The following SLC6A2 variants were observed in gnomAD, a reference collection of about 807,000 sequenced individuals.
SLC6A2 encodes the protein sodium-dependent noradrenaline transporter.
A neutral mutation model predicts 71.7 loss-of-function variants in SLC6A2; 26 were observed. The observed-to-expected ratio is 0.36, with a 90% CI of 0.27 to 0.50. The LOEUF is 0.50. SLC6A2 is among the 20% of genes least tolerant of loss of function. The probability of loss-of-function intolerance (pLI) is 0.96; values close to 1 mark genes in which losing one functional copy is unlikely to be tolerated. For missense variants in SLC6A2, 581 were observed against 803.9 expected, an observed-to-expected ratio of 0.72 and a Z score of 3.35; for synonymous variants, 363 against 337.9, an observed-to-expected ratio of 1.07 and a Z score of -0.82.
intron 8 of SLC6A2, 45 bp from the exon 9 acceptor site, chr16:55,696,180 A>C: frequency 2.5e-6 from 3 of 1,188,780 alleles, no homozygotes; most frequent in Non-Finnish European, 3.8e-6. Context: ...TGCAGCTCAG[A>C]CCAATGGTTT....
chr16:55,705,901 T>C lies in SLC6A2; in HGVS notation c.*3555T>C, dbSNP rs1182958855. On this transcript the variant is annotated 3_prime_UTR_variant, in exon 15 of 15. Coordinates refer to ENST00000568943, the MANE Select transcript of SLC6A2 (RefSeq NM_001172501.3). ...TAATCCAACCCTTTTGTTTTGAGGC[T>C]TTGGAGGGTAACACATTTTCATACC... The C allele has an allele frequency of 6.6e-6, 1 of 152,356 alleles. No homozygotes were observed. The highest frequency in any genetic ancestry group is 1.9e-4 in the East Asian group (1 of 5,184). The allele number at this position is 152,356 out of a possible 1,614,324, so 9.4% of individuals were successfully genotyped here.
intron 14 of SLC6A2, 67 bp from the exon 15 acceptor site, chr16:55,702,256 C>G: frequency 6.6e-7 from 1 of 1,512,178 alleles, no homozygotes; most frequent in Non-Finnish European, 9.2e-7. Flanking sequence ...CTGCTGCCCC[C>G]GCCAGCTGGC....
At chr16:55,685,315 G>A (rs772774952) in intron 5 of SLC6A2, 34 bp downstream of exon 5, 9 of 1,606,356 alleles carry the variant, frequency 5.6e-6, no homozygotes, top group Admixed American at 1.7e-5. Context: ...CACTTACTTG[G>A]GTGATCAACC....
intron 2 of SLC6A2, among the ~76,000 whole-genome samples, chr16:55,666,871 C>T (rs1964764704): frequency 6.6e-6 from 1 of 152,236 alleles, no homozygotes; most frequent in Non-Finnish European, 1.5e-5. Context: ...GGGCAACCCA[C>T]AGTGGCGAGG....
intron 2 of SLC6A2, among the ~76,000 whole-genome samples, chr16:55,664,467 C>T (rs1964693988): frequency 6.6e-6 from 1 of 152,214 alleles, no homozygotes; most frequent in African/African-American, 2.4e-5. Context: ...TGTGTGTGGC[C>T]TCCAGCTGGC....
chr16:55,683,752 T>C (rs557921558), intron 4 of SLC6A2, among the ~76,000 whole-genome samples: 1 of 152,276 alleles, frequency 6.6e-6, no homozygotes, highest in Admixed American at 6.5e-5. Context: ...GTTGAACGCA[T>C]CCAGTAACCT....
intron 9 of SLC6A2, among the ~76,000 whole-genome samples, chr16:55,696,819 T>TA (rs1400328715): frequency 1.3e-5 from 2 of 152,056 alleles, no homozygotes; most frequent in Non-Finnish European, 2.9e-5. Flanking sequence ...CCCGTCTCTA[T>TA]AAAAAATTTA....
Position 55,685,181 on chromosome 16 carries a change from A to G in SLC6A2, c.683A>G (p.His228Arg), listed in dbSNP as rs758679941. Reference protein sequence around the residue: ...VLHLHESSGIHDIGLPQWQLL... With the variant: ...VLHLHESSGIRDIGLPQWQLL... ...CACCTTCACGAGAGCAGCGGGATTC[A>G]TGACATCGGCCTGCCCCAGTGGCAG... is the stretch of plus-strand genomic sequence containing the variant. Residue 228 changes from histidine (H) to arginine (R), a missense_variant, in exon 5 of 15, where the codon CAT becomes CGT. This residue lies in a region of SLC6A2 where 87 missense variants were observed against 99.5 expected (regional missense o/e 0.87). Transcript: ENST00000568943. 5.0e-6 allele frequency: 8 copies of G among 1,613,954 alleles called. No individual in the cohort carries two copies. Among genetic ancestry groups the G allele is most frequent in the South Asian group, 4.4e-5 (4 of 91,064 alleles).
At chr16:55,696,166 C>T (rs1965791013) in intron 8 of SLC6A2, 59 bp from the exon 9 acceptor site, 2 of 1,025,686 alleles carry the variant, frequency 1.9e-6, no homozygotes, top group East Asian at 2.4e-5. Context: ...ACTCCCCTAT[C>T]ATGTGCAGCT....
At chr16:55,701,279 G>T (rs1345132758) in intron 13 of SLC6A2, among the ~76,000 whole-genome samples, 1 of 152,170 alleles carries the variant, frequency 6.6e-6, no homozygotes, top group African/African-American at 2.4e-5. Flanking sequence ...CCCTAAGTCT[G>T]GTTCCGGGTC....
chr16:55,669,706 G>T lies in SLC6A2; in HGVS notation c.406+10G>T. 6.2e-7 allele frequency: 1 copy of T among 1,614,054 alleles called. No homozygotes were observed. Among genetic ancestry groups the T allele is most frequent in the Non-Finnish European group, 8.5e-7 (1 of 1,179,960 alleles). On this transcript the variant is annotated intron_variant, in intron 3 of 14. Coordinates refer to ENST00000568943, the MANE Select transcript of SLC6A2 (RefSeq NM_001172501.3). ...TGCCCATTCTTCAAAGGTAAAGAAG[G>T]GGTGGGAGAAAGTCACGGTTGTTCA...
intron 5 of SLC6A2, among the ~76,000 whole-genome samples, chr16:55,691,228 G>A (rs1462638598): frequency 6.5e-5 from 8 of 123,146 alleles, no homozygotes; most frequent in African/African-American, 2.7e-4. Flanking sequence ...GAGGGGAGAG[G>A]GGGAGAGAGA....
chr16:55,695,173 C>A, intron 7 of SLC6A2, 105 bp from the exon 8 acceptor site: 3 of 1,361,480 alleles, frequency 2.2e-6, no homozygotes, highest in Middle Eastern at 1.9e-4. Flanking sequence ...GGGGGGATGG[C>A]CTTTGAGGCT....
At position 55,691,141 on chromosome 16, in the gene SLC6A2, A is replaced by G. The variant is rs576272658; in HGVS notation, c.784-777A>G. On this transcript the variant is annotated intron_variant, in intron 5 of 14. Transcript: ENST00000568943. Reference sequence around the variant, plus strand: ...AGGAAGAGATAAACATAAGGGAGAGAGTGGAGGAGAGGGAGATGAGGGAGG... The same window carrying G: ...AGGAAGAGATAAACATAAGGGAGAGGGTGGAGGAGAGGGAGATGAGGGAGG... Among the ~76,000 whole-genome samples the G allele has an allele frequency of 6.9e-5, 10 of 143,904 alleles. No homozygotes were observed. In the South Asian group the frequency reaches 2.4e-3, roughly 35 times the overall value. The allele number at this position is 143,904 out of a possible 152,430, so 94.4% of individuals were successfully genotyped here.
Position 55,656,320 on chromosome 16 carries a change from G to A in SLC6A2, c.-52+151G>A, listed in dbSNP as rs1964446062. 1 of 371,412 alleles carries A rather than the reference G, an allele frequency of 2.7e-6. No individual in the cohort carries two copies. Among genetic ancestry groups the A allele is most frequent in the Non-Finnish European group, 5.1e-6 (1 of 196,368 alleles). 23.0% of individuals were successfully genotyped at this position (371,412 alleles called of 1,614,324 possible). On this transcript the variant is annotated intron_variant, in intron 1 of 14. Coordinates refer to ENST00000568943, the MANE Select transcript of SLC6A2 (RefSeq NM_001172501.3). This position sits in a 1 kb window ranked among gnomAD's most constrained non-coding sequence, Gnocchi z 4.5. ...TGTTGAAGTGTCGCGGACCTGAGCT[G>A]GGGAGGGGGTCGGCACGCTGCCCTC...
chr16:55,702,416 C>G lies in SLC6A2; in HGVS notation c.*70C>G. 1.4e-5 allele frequency: 22 copies of G among 1,613,880 alleles called. No homozygotes were observed. The highest frequency in any genetic ancestry group is 1.9e-5 in the Non-Finnish European group (22 of 1,179,906). The stretch of plus-strand genomic sequence containing the variant: ...TCACAGGCATCCGCTGCGCTCCCAC[C>G]TCGGACACCATCTTGGGATTCCTCC... On this transcript the variant is annotated 3_prime_UTR_variant, in exon 15 of 15. Coordinates refer to ENST00000568943, the MANE Select transcript of SLC6A2 (RefSeq NM_001172501.3).
At chr16:55,694,238 C>A (rs1965725524) in intron 7 of SLC6A2, 125 bp downstream of exon 7, 1 of 735,720 alleles carries the variant, frequency 1.4e-6, no homozygotes, top group Non-Finnish European at 2.5e-6. Context: ...TTCTTGTGAA[C>A]CATCCTGGGC....
chr16:55,698,659 G>C (rs992508156), intron 11 of SLC6A2, 91 bp downstream of exon 11: 2 of 881,316 alleles, frequency 2.3e-6, no homozygotes, highest in Admixed American at 1.8e-5. Flanking sequence ...TTCCAGGACA[G>C]CCACCTAAAA....
chr16:55,666,356 A>T (rs1445680548), intron 2 of SLC6A2, among the ~76,000 whole-genome samples: 3 of 152,180 alleles, frequency 2.0e-5, no homozygotes, highest in Non-Finnish European at 4.4e-5. Context: ...TTTATAAAAG[A>T]GGCAACTTCA....
Sources: allele counts gnomAD v4.1 joint callset (sites outside exome capture counted in the v4.1 genomes callset), GRCh38; gene constraint gnomAD v4.1.1; regional missense constraint gnomAD v4.1.1; non-coding constraint Gnocchi (gnomAD v3.1); transcripts MANE v1.5; gene names NCBI Gene and HGNC (gene_info 2026-07-23, HGNC 2026-07-21).